ALK: variants seen among roughly 807,000 people sequenced by gnomAD.
ALK encodes the protein ALK tyrosine kinase receptor.
In ALK, 74 loss-of-function variants were observed where a neutral mutation model predicts 163.1. The observed-to-expected ratio is 0.45, with a 90% confidence interval of 0.38 to 0.55. The LOEUF (loss-of-function observed/expected upper bound fraction) is 0.55, where lower values mean the gene tolerates loss of function less well. Among genes scored for constraint, ALK ranks in the 20% least tolerant of loss-of-function variants. The pLI is 0.00. For missense variants in ALK, 2,063 were observed against 2,105.3 expected (o/e 0.98, Z 0.39); for synonymous variants, 960 against 843.2 (o/e 1.14, Z -2.40).
intron 2 of ALK, among the ~76,000 whole-genome samples, chr2:29,697,193 T>C (rs1322953947): frequency 6.6e-6 from 1 of 152,196 alleles, no homozygotes; most frequent in Non-Finnish European, 1.5e-5. Flanking sequence ...GGAAAGGCCA[T>C]AGGTAACTGG....
rs111768210 is a variant in ALK at position 29,773,233 on chromosome 2, T to TAC, written c.668-55538_668-55537dup. Reference sequence around the variant, plus strand: ...CTATCAGTAAAATACACAGTAAATGTACACACACACACACACACACATTTT... The same window carrying TAC: ...CTATCAGTAAAATACACAGTAAATGTACACACACACACACACACACACATTTT... On this transcript the variant is annotated intron_variant, in intron 1 of 28. Coordinates refer to ENST00000389048, the MANE Select transcript of ALK (RefSeq NM_004304.5). 6.9e-3 allele frequency among the ~76,000 whole-genome samples: 1,018 copies of TAC among 146,930 alleles called. 9 individuals are homozygous for TAC. The highest frequency in any genetic ancestry group is 0.021 in the African/African-American group (803 of 37,724).
At chr2:29,861,265 C>T (rs991982919) in intron 1 of ALK, among the ~76,000 whole-genome samples, 3 of 151,788 alleles carry the variant, frequency 2.0e-5, no homozygotes, top group Admixed American at 6.6e-5. Context: ...AAACTAAGCC[C>T]GAAGTTAGCA....
chr2:29,580,929 T>C (rs1269880152), intron 3 of ALK, among the ~76,000 whole-genome samples: 1 of 152,136 alleles, frequency 6.6e-6, no homozygotes, highest in Non-Finnish European at 1.5e-5. Flanking sequence ...GAAAGAAGTG[T>C]TGAGGGCTAG....
intron 4 of ALK, among the ~76,000 whole-genome samples, chr2:29,398,687 AC>A (rs913596364): frequency 9.9e-5 from 15 of 151,456 alleles, no homozygotes; most frequent in Admixed American, 8.6e-4. Flanking sequence ...GGAGAGCAGG[AC>A]CCCCCTCCTC....
chr2:29,510,955 T>G (rs1358610627), intron 4 of ALK, among the ~76,000 whole-genome samples: 3 of 152,194 alleles, frequency 2.0e-5, no homozygotes, highest in African/African-American at 7.2e-5. Flanking sequence ...ATAAGTGGGC[T>G]CTGATCCTTT....
chr2:29,878,666 C>A (rs1666782516), intron 1 of ALK, among the ~76,000 whole-genome samples: 1 of 152,072 alleles, frequency 6.6e-6, no homozygotes, highest in African/African-American at 2.4e-5. Context: ...AAACAAGTTG[C>A]CAATTACTAT....
At chr2:29,468,944 C>A (rs1458379032) in intron 4 of ALK, among the ~76,000 whole-genome samples, 1 of 148,646 alleles carries the variant, frequency 6.7e-6, no homozygotes, top group Non-Finnish European at 1.5e-5. Context: ...CCTGAGGTTG[C>A]AATTTTTTGA....
At chr2:29,696,315 A>G (rs189826254) in intron 2 of ALK, among the ~76,000 whole-genome samples, 2 of 152,256 alleles carry the variant, frequency 1.3e-5, no homozygotes, top group African/African-American at 4.8e-5. Context: ...GTTCTCACTC[A>G]TAAGTGGGAG....
chr2:29,562,753 G>T (rs1294615140), intron 3 of ALK, among the ~76,000 whole-genome samples: 1 of 152,226 alleles, frequency 6.6e-6, no homozygotes, highest in Non-Finnish European at 1.5e-5. Context: ...TGTCTACAGA[G>T]AAGGAATTCT....
intron 1 of ALK, among the ~76,000 whole-genome samples, chr2:29,909,511 A>AGAGAGAGT (rs1667643818): frequency 6.6e-6 from 1 of 151,130 alleles, no homozygotes; most frequent in Admixed American, 6.6e-5. Context: ...AGAGAGAGAG[A>AGAGAGAGT]GAGAGAGAAT....
At position 29,680,749 on chromosome 2, in the gene ALK, T is replaced by A. The variant is rs1678040104; in HGVS notation, c.952+14101A>T. ...TTTTCTTATGAGTCACATTGTATTA[T>A]TTCTTTGTATATATTCTCATTTTTG... On this transcript the variant is annotated intron_variant, in intron 3 of 28. Transcript: ENST00000389048. Among the ~76,000 whole-genome samples the A allele has an allele frequency of 4.6e-5, 7 of 152,272 alleles. No homozygotes were observed. In the South Asian group the frequency reaches 1.4e-3, roughly 32 times the overall value.
chr2:29,419,985 C>A (rs191667887), intron 4 of ALK, among the ~76,000 whole-genome samples: 1 of 150,860 alleles, frequency 6.6e-6, no homozygotes, highest in African/African-American at 2.5e-5. Context: ...ATGGCAAAAC[C>A]CTGCCTATAC....
chr2:29,323,519 T>C (rs969535140), intron 6 of ALK, among the ~76,000 whole-genome samples: 11 of 152,112 alleles, frequency 7.2e-5, no homozygotes, highest in Non-Finnish European at 1.2e-4. Context: ...GCTGACTCAA[T>C]AACGGGAGAG....
chr2:29,841,144 C>T (rs1665687538), intron 1 of ALK, among the ~76,000 whole-genome samples: 1 of 152,062 alleles, frequency 6.6e-6, no homozygotes, highest in Non-Finnish European at 1.5e-5. Flanking sequence ...AAGATTTTAC[C>T]TTAAAAGGTC....
intron 3 of ALK, among the ~76,000 whole-genome samples, chr2:29,602,093 C>T (rs139637073): frequency 1.3e-5 from 2 of 152,260 alleles, no homozygotes; most frequent in Admixed American, 6.5e-5. Context: ...ACTGAGGCAA[C>T]GGAAAGCTGA....
intron 3 of ALK, among the ~76,000 whole-genome samples, chr2:29,569,300 G>GAGCAGCAGC (rs6146696): frequency 2.0e-5 from 3 of 151,252 alleles, no homozygotes; most frequent in East Asian, 2.0e-4. Flanking sequence ...GCTGCAGCAG[G>GAGCAGCAGC]AGCAGCAGCA....
intron 11 of ALK, among the ~76,000 whole-genome samples, chr2:29,265,805 T>C (rs1050415553): frequency 2.6e-5 from 4 of 152,034 alleles, no homozygotes; most frequent in African/African-American, 9.7e-5. Context: ...CTGGCCAACA[T>C]GGTGAAACCC....
At chr2:29,709,931 T>C (rs1215966991) in intron 2 of ALK, among the ~76,000 whole-genome samples, 2 of 152,168 alleles carry the variant, frequency 1.3e-5, no homozygotes, top group African/African-American at 4.8e-5. Context: ...TAAAAATTCC[T>C]CACTTCCTTG....
At chr2:29,724,622 G>A (rs917829677) in intron 1 of ALK, among the ~76,000 whole-genome samples, 7 of 152,214 alleles carry the variant, frequency 4.6e-5, no homozygotes, top group Non-Finnish European at 1.0e-4. Context: ...GTTTGCAGAT[G>A]CACCATTTGT....
Sources: allele counts gnomAD v4.1 joint callset (sites outside exome capture counted in the v4.1 genomes callset), GRCh38; gene constraint gnomAD v4.1.1; transcripts MANE v1.5; gene names NCBI Gene and HGNC (gene_info 2026-07-23, HGNC 2026-07-21).